Variants in CTNNA2 observed in about 807,000 individuals in gnomAD.
The protein encoded by CTNNA2 is catenin alpha-2.
CTNNA2 carries 42 observed loss-of-function variants against 101.0 expected under a neutral mutation model. The ratio of observed to expected loss-of-function variants is 0.42; its 90% CI spans 0.32 to 0.54. The LOEUF (loss-of-function observed/expected upper bound fraction) is 0.54. CTNNA2 is among the 20% of genes least tolerant of loss of function. The probability of loss-of-function intolerance (pLI) is 0.14; values close to 1 mark genes in which losing one functional copy is unlikely to be tolerated. For missense variants in CTNNA2, 871 were observed against 1,223.1 expected, an observed-to-expected ratio of 0.71 and a Z score of 4.29; for synonymous variants, 450 against 456.4, an observed-to-expected ratio of 0.99 and a Z score of 0.18.
At chr2:80,314,336 T>C (rs1423422833) in intron 7 of CTNNA2, among the ~76,000 whole-genome samples, 2 of 152,200 alleles carry the variant, frequency 1.3e-5, no homozygotes, top group Non-Finnish European at 2.9e-5. Flanking sequence ...GCAAATGATA[T>C]TGTGAACTGT....
At chr2:79,691,457 G>A (rs1285185438) in intron 2 of CTNNA2, among the ~76,000 whole-genome samples, 1 of 151,186 alleles carries the variant, frequency 6.6e-6, no homozygotes, top group Non-Finnish European at 1.5e-5. Context: ...ACTCAAAGAG[G>A]CAAAATACTC....
At chr2:80,153,823 T>C (rs189962354) in intron 7 of CTNNA2, among the ~76,000 whole-genome samples, 88 of 152,314 alleles carry the variant, frequency 5.8e-4, no homozygotes, top group South Asian at 1.4e-3. Flanking sequence ...GTACAGAGCA[T>C]TGGAGGAATG....
chr2:80,472,575 G>C (rs1685395919), intron 9 of CTNNA2, among the ~76,000 whole-genome samples: 1 of 152,186 alleles, frequency 6.6e-6, no homozygotes, highest in African/African-American at 2.4e-5. Flanking sequence ...ATGAAATAAA[G>C]TTTGTGTCCA....
At position 80,393,808 on chromosome 2, in the gene CTNNA2, G is replaced by T. The variant is rs184554555; in HGVS notation, c.1137+517G>T. Among the ~76,000 whole-genome samples, 7 of 152,304 alleles carry T rather than the reference G, an allele frequency of 4.6e-5. No homozygotes were observed. In the East Asian group the frequency reaches 1.4e-3, roughly 29 times the overall value. ...TGTTTGGGAAGCAGGGAATAAAATG[G>T]CTAATGACATCATTAGTTTGATGGG... On this transcript the variant is annotated intron_variant, in intron 8 of 18. Transcript: ENST00000402739.
chr2:80,458,948 T>A (rs1684202470), intron 9 of CTNNA2, among the ~76,000 whole-genome samples: 1 of 152,188 alleles, frequency 6.6e-6, no homozygotes, highest in African/African-American at 2.4e-5. Flanking sequence ...CCTATACAGA[T>A]GTACAATTAA....
At chr2:80,257,889 T>G (rs182314085) in intron 7 of CTNNA2, among the ~76,000 whole-genome samples, 2 of 152,310 alleles carry the variant, frequency 1.3e-5, no homozygotes, top group African/African-American at 4.8e-5. Context: ...TTTCTGAATT[T>G]TATTTGTATT....
At chr2:79,322,243 T>G (rs1331735904) in intron 3 of CTNNA2, among the ~76,000 whole-genome samples, 1 of 152,326 alleles carries the variant, frequency 6.6e-6, no homozygotes, top group East Asian at 1.9e-4. Context: ...AGAAGTTTCC[T>G]AGCAGTAAAT....
At chr2:79,511,572 T>A (rs1038281886), upstream of CTNNA2, among the ~76,000 whole-genome samples, 6 of 152,166 alleles carry the variant, frequency 3.9e-5, no homozygotes, top group Non-Finnish European at 8.8e-5. Context: ...CTTAAGCCAA[T>A]ATCCGGTGAC....
At chr2:80,495,150 T>A (rs1687352968) in intron 9 of CTNNA2, among the ~76,000 whole-genome samples, 1 of 152,158 alleles carries the variant, frequency 6.6e-6, no homozygotes, top group Non-Finnish European at 1.5e-5. Context: ...TAAAGATAGT[T>A]AATAACCTCA....
At chr2:80,095,991 G>A (rs1231432594) in intron 7 of CTNNA2, among the ~76,000 whole-genome samples, 7 of 151,956 alleles carry the variant, frequency 4.6e-5, no homozygotes, top group Non-Finnish European at 1.0e-4. Context: ...GGTTTTTTGT[G>A]TCTCTATTTC....
intron 7 of CTNNA2, among the ~76,000 whole-genome samples, chr2:80,361,247 G>C (rs1674377357): frequency 6.6e-6 from 1 of 152,064 alleles, no homozygotes; most frequent in African/African-American, 2.4e-5. Context: ...AATTATCTGA[G>C]AGTCCTCATG....
At chr2:79,763,877 A>G (rs1672963396) in intron 3 of CTNNA2, among the ~76,000 whole-genome samples, 1 of 152,258 alleles carries the variant, frequency 6.6e-6, no homozygotes, top group South Asian at 2.1e-4. Context: ...GTGCTGTTTA[A>G]TACGAAGTTA....
At chr2:80,021,314 C>A (rs1373421483) in intron 7 of CTNNA2, among the ~76,000 whole-genome samples, 1 of 152,136 alleles carries the variant, frequency 6.6e-6, no homozygotes, top group Non-Finnish European at 1.5e-5. Context: ...GCCACCACGC[C>A]CGGACTAATC....
intron 2 of CTNNA2, among the ~76,000 whole-genome samples, chr2:79,693,429 AC>A (rs1407622642): frequency 6.6e-6 from 1 of 151,986 alleles, no homozygotes; most frequent in Non-Finnish European, 1.5e-5. Flanking sequence ...TTCATGACAT[AC>A]CTATTCATTT....
At chr2:80,237,582 C>G (rs1464052513) in intron 7 of CTNNA2, among the ~76,000 whole-genome samples, 2 of 152,010 alleles carry the variant, frequency 1.3e-5, no homozygotes, top group Non-Finnish European at 2.9e-5. Flanking sequence ...CCAAAATGTG[C>G]CAGGCCTTCA....
At chr2:79,226,353 C>T (rs1171987657) in intron 2 of CTNNA2, among the ~76,000 whole-genome samples, 2 of 152,136 alleles carry the variant, frequency 1.3e-5, no homozygotes, top group Non-Finnish European at 2.9e-5. Flanking sequence ...CAATAGAGCC[C>T]ACCCCATAGA....
At chr2:80,079,500 C>G (rs927643342) in intron 7 of CTNNA2, among the ~76,000 whole-genome samples, 1 of 152,114 alleles carries the variant, frequency 6.6e-6, no homozygotes, top group Non-Finnish European at 1.5e-5. Flanking sequence ...TCTAGGAGCT[C>G]CAGGACACAG....
intron 7 of CTNNA2, among the ~76,000 whole-genome samples, chr2:80,314,116 G>T (rs1359476040): frequency 6.6e-6 from 1 of 152,146 alleles, no homozygotes; most frequent in Non-Finnish European, 1.5e-5. Context: ...AATGTGCTTG[G>T]TGGCTATAGT....
chr2:79,216,001 C>T (rs1037397910), intron 2 of CTNNA2, among the ~76,000 whole-genome samples: 12 of 151,768 alleles, frequency 7.9e-5, no homozygotes, highest in South Asian at 2.1e-4. Flanking sequence ...AGATTTGGGA[C>T]GAGTTGCATT....
Sources: gnomAD v4.1 joint callset for allele counts (sites outside exome capture counted in the v4.1 genomes callset) on GRCh38, gnomAD v4.1.1 for gene constraint, MANE v1.5 for transcripts, NCBI Gene and HGNC (gene_info 2026-07-23, HGNC 2026-07-21) for gene names.